The following TOPBP1 variants were observed in gnomAD, a reference collection of about 807,000 sequenced individuals.
TOPBP1 encodes DNA topoisomerase II binding protein 1.
Under a neutral mutation model 167.7 loss-of-function variants are expected in TOPBP1, and 28 were observed. The observed-to-expected ratio is 0.17, with a 90% CI of 0.12 to 0.23. TOPBP1 has a LOEUF of 0.23. Ranked by LOEUF, TOPBP1 falls within the 10% of genes least tolerant of loss-of-function variation. TOPBP1 has a pLI of 1.00. For synonymous variants in TOPBP1, 598 were observed against 611.4 expected (o/e 0.98, Z 0.32); for missense variants, 1,554 against 1,809.6 (o/e 0.86, Z 2.56).
At chr3:133,612,885 T>C (rs189767715) in intron 23 of TOPBP1, among the ~76,000 whole-genome samples, 10 of 152,274 alleles carry the variant, frequency 6.6e-5, no homozygotes, top group Non-Finnish European at 1.3e-4. Context: ...TTAATTTTTT[T>C]GAGACAGGTT....
At chr3:133,649,191 G>C (rs968825826) in intron 10 of TOPBP1, among the ~76,000 whole-genome samples, 192 bp downstream of exon 10, 5 of 152,148 alleles carry the variant, frequency 3.3e-5, no homozygotes, top group African/African-American at 1.2e-4. Context: ...GCTGGAGACA[G>C]GAGAGAGGGT....
rs1237132553 is a variant in TOPBP1 at position 133,657,873 on chromosome 3, T to C, written c.288A>G (p.Arg96=). 1 of 1,602,178 alleles carries C rather than the reference T, an allele frequency of 6.2e-7. No homozygotes were observed. The highest frequency in any genetic ancestry group is 8.5e-7 in the Non-Finnish European group (1 of 1,175,602). ...FCMHHQRCVP[R]AEHPVYNMVM... ...CCATATTATAAACTGGATGTTCGGC[T>C]CTTGGGACACATCGCTGGTGGTGCA... The change falls in exon 4 of 28, where the codon AGA becomes AGG. Residue 96 remains arginine, a synonymous_variant. Coordinates refer to ENST00000260810, the MANE Select transcript of TOPBP1 (RefSeq NM_007027.4).
Position 133,617,215 on chromosome 3 carries a change from G to T in TOPBP1, c.3704C>A (p.Pro1235His), listed in dbSNP as rs555411768. Residue 1235 changes from proline (P) to histidine (H), a missense_variant, in exon 22 of 28, where the codon CCC becomes CAC. Physicochemically the swap from Pro to His is moderately conservative, Grantham distance 77 (BLOSUM62 -2). Coordinates refer to ENST00000260810, the MANE Select transcript of TOPBP1 (RefSeq NM_007027.4). ...GTTGGCGAGTGGAAAGGCAATACTGGGGGCTTGAGGCGTAGGGATCAGGTG... is the reference window on the plus strand; with the variant it reads ...GTTGGCGAGTGGAAAGGCAATACTGTGGGCTTGAGGCGTAGGGATCAGGTG... ...DSHLIPTPQA[P>H]SIAFPLANPP... 1 of 1,613,760 alleles carries T rather than the reference G, an allele frequency of 6.2e-7. No individual in the cohort carries two copies. The highest frequency in any genetic ancestry group is 2.2e-5 in the East Asian group (1 of 44,878).
intron 20 of TOPBP1, 48 bp downstream of exon 20, chr3:133,620,106 CT>C: frequency 6.6e-7 from 1 of 1,519,840 alleles, no homozygotes; most frequent in Non-Finnish European, 8.8e-7. Context: ...TACGTAAATC[CT>C]TTCTCTCAAG....
chr3:133,611,014 C>A lies in TOPBP1; in HGVS notation c.4163G>T (p.Gly1388Val). 6.2e-7 allele frequency: 1 copy of A among 1,611,702 alleles called. No homozygotes were observed. Among genetic ancestry groups the A allele is most frequent in the East Asian group, 2.2e-5 (1 of 44,840 alleles). The change falls in exon 25 of 28, where the codon GGC (glycine) becomes GTC (valine). Residue 1388 changes from glycine to valine, a missense_variant. By Grantham distance (109) the Gly-to-Val change is moderately radical (BLOSUM62 -3). Coordinates refer to ENST00000260810, the MANE Select transcript of TOPBP1 (RefSeq NM_007027.4). The part of the protein sequence containing the change: ...RKKIQQRQES[G>V]IVEGAFSGWK... ...ATTGTGTTTTAATACCTCAACAATG[C>A]CAGATTCTTGTCTTTGCTGGATTTT...
Position 133,643,340 on chromosome 3 carries a change from A to C in TOPBP1, c.1881T>G (p.Asp627Glu), listed in dbSNP as rs1559826214. 1 of 1,606,530 alleles carries C rather than the reference A, an allele frequency of 6.2e-7. No individual in the cohort carries two copies. Among genetic ancestry groups the C allele is most frequent in the East Asian group, 2.2e-5 (1 of 44,574 alleles). ...VTCIDYQTLF[D>E]PKSNPLFTPV... Reference sequence around the variant, plus strand: ...GTGTGAAGAGAGGATTCGACTTTGGATCAAACAAAGTCTGATAGTCTATGC... The same window carrying C: ...GTGTGAAGAGAGGATTCGACTTTGGCTCAAACAAAGTCTGATAGTCTATGC... Residue 627 changes from aspartate to glutamate, a missense_variant, in exon 12 of 28, where the codon GAT becomes GAG. This residue lies in a region of TOPBP1 where 1,197 missense variants were observed against 1,351.5 expected (regional missense o/e 0.89). Transcript: ENST00000260810.
intron 17 of TOPBP1, 151 bp downstream of exon 17, chr3:133,623,901 T>C: frequency 1.1e-6 from 1 of 924,044 alleles, no homozygotes; most frequent in Non-Finnish European, 1.5e-6. Flanking sequence ...AAGTTTTTGA[T>C]GCCAAAGATC....
intron 27 of TOPBP1, among the ~76,000 whole-genome samples, chr3:133,604,902 G>A (rs1428415690): frequency 6.6e-6 from 1 of 151,712 alleles, no homozygotes; most frequent in Non-Finnish European, 1.5e-5. Context: ...CTGGGCGACA[G>A]AGCAAGACTC....
chr3:133,649,164 CAA>C (rs1439279653), intron 10 of TOPBP1, among the ~76,000 whole-genome samples: 1 of 151,956 alleles, frequency 6.6e-6, no homozygotes, highest in African/African-American at 2.4e-5. Context: ...TATAACAAAT[CAA>C]AATAGAGCTA....
At chr3:133,660,325 T>A (rs951150925) in intron 2 of TOPBP1, among the ~76,000 whole-genome samples, 1 of 152,250 alleles carries the variant, frequency 6.6e-6, no homozygotes, top group African/African-American at 2.4e-5. Context: ...ATTTATCATG[T>A]CTGATTAGTG....
At chr3:133,620,118 T>A (rs184068589) in intron 20 of TOPBP1, 37 bp downstream of exon 20, 4 of 1,548,834 alleles carry the variant, frequency 2.6e-6, no homozygotes, top group Admixed American at 4.1e-5. Flanking sequence ...TTCTCTCAAG[T>A]CATCTAGTCT....
chr3:133,623,516 G>T lies in TOPBP1; in HGVS notation c.2929-59C>A, dbSNP rs1227448671. The T allele has an allele frequency of 3.9e-6, 6 of 1,521,474 alleles. No homozygotes were observed. In the Admixed American group the frequency reaches 1.2e-4, roughly 31 times the overall value. The allele number at this position is 1,521,474 out of a possible 1,614,324, so 94.2% of individuals were successfully genotyped here. Reference sequence around the variant, plus strand: ...GACAAAATCTTAATGAATAGATGATGTTAAGTAGGATAAGGACAAGCAATA... The same window carrying T: ...GACAAAATCTTAATGAATAGATGATTTTAAGTAGGATAAGGACAAGCAATA... On this transcript the variant is annotated intron_variant, in intron 17 of 27. Coordinates refer to ENST00000260810, the MANE Select transcript of TOPBP1 (RefSeq NM_007027.4).
rs369915804 is a variant in TOPBP1, at chr3:133,616,644, C to T, written c.3871+170G>A. On this transcript the variant is annotated intron_variant, in intron 23 of 27. Transcript: ENST00000260810. ...ATCCCATGATCTACTGACTTTAGAG[C>T]TTTTTAAAATCAAAGTTCCAATGCT... 5.3e-5 allele frequency among the ~76,000 whole-genome samples: 8 copies of T among 152,306 alleles called. 1 individual carries two copies. Among genetic ancestry groups the T allele is most frequent in the East Asian group, 1.9e-4 (1 of 5,192 alleles).
intron 16 of TOPBP1, among the ~76,000 whole-genome samples, chr3:133,625,215 T>C (rs1402762153): frequency 1.3e-5 from 2 of 152,196 alleles, no homozygotes. Context: ...TCCACCCGCC[T>C]TGCGCTCCCA....
intron 11 of TOPBP1, among the ~76,000 whole-genome samples, chr3:133,643,761 T>C (rs968634510): frequency 1.3e-5 from 2 of 151,920 alleles, no homozygotes; most frequent in African/African-American, 4.8e-5. Context: ...AGACAAATAG[T>C]ATGAGATGAC....
chr3:133,628,159 TACATTATATACATATAAGAG>T, intron 16 of TOPBP1, 183 bp downstream of exon 16: 1 of 540,836 alleles, frequency 1.8e-6, no homozygotes, highest in Non-Finnish European at 3.3e-6. Flanking sequence ...CTAAAAAATA[TACATTATATACATATAAGAG>T]TGAATTGATA....
rs1936529746 is a variant in TOPBP1 at position 133,657,786 on chromosome 3, A to G, written c.363+12T>C. 6.5e-7 allele frequency: 1 copy of G among 1,532,920 alleles called. No individual in the cohort carries two copies. Among genetic ancestry groups the G allele is most frequent in the Non-Finnish European group, 8.7e-7 (1 of 1,145,524 alleles). The allele number at this position is 1,532,920 out of a possible 1,614,324, so 95.0% of individuals were successfully genotyped here. On this transcript the variant is annotated intron_variant, in intron 4 of 27. Transcript: ENST00000260810. Reference sequence around the variant, plus strand: ...ATATAAATTGATCAATCATCATGAGATCAATATCTACCCTTTTTTCTTTTT... The same window carrying G: ...ATATAAATTGATCAATCATCATGAGGTCAATATCTACCCTTTTTTCTTTTT...
At chr3:133,651,069 C>T (rs998271993) in intron 8 of TOPBP1, among the ~76,000 whole-genome samples, 1 of 150,778 alleles carries the variant, frequency 6.6e-6, no homozygotes, top group African/African-American at 2.4e-5. Context: ...TGCACTCCAG[C>T]CTGGGCGACA....
Position 133,649,807 on chromosome 3 carries a change from T to C in TOPBP1, c.1226A>G (p.Lys409Arg). 1 of 1,604,328 alleles carries C rather than the reference T, an allele frequency of 6.2e-7. No individual in the cohort carries two copies. ...VIVGDYDDEL[K>R]QFWNKSAHRP... is the part of the protein sequence containing the mutation. The stretch of plus-strand genomic sequence containing the variant: ...GTGGGCTGATTTATTCCAAAACTGC[T>C]TCAATTCATCATCATAATCTCCCAC... Residue 409 changes from lysine (K) to arginine (R), a missense_variant, in exon 9 of 28, where the codon AAG (lysine) becomes AGG (arginine). Physicochemically the swap from Lys to Arg is conservative, Grantham distance 26 (BLOSUM62 2). This residue lies in a region of TOPBP1 where 1,197 missense variants were observed against 1,351.5 expected (regional missense o/e 0.89). Coordinates refer to ENST00000260810, the MANE Select transcript of TOPBP1 (RefSeq NM_007027.4).
Sources: gnomAD v4.1 joint callset for allele counts (sites outside exome capture counted in the v4.1 genomes callset) on GRCh38, gnomAD v4.1.1 for gene constraint, gnomAD v4.1.1 regional missense constraint, MANE v1.5 for transcripts, NCBI Gene and HGNC (gene_info 2026-07-23, HGNC 2026-07-21) for gene names.